The following TLK1 variants were observed in gnomAD, a reference collection of about 807,000 sequenced individuals.
The protein encoded by TLK1 is serine/threonine-protein kinase tousled-like 1.
TLK1 carries 24 observed loss-of-function variants against 105.3 expected under a neutral mutation model. The ratio of observed to expected loss-of-function variants is 0.23; its 90% confidence interval spans 0.17 to 0.32. The LOEUF (loss-of-function observed/expected upper bound fraction) is 0.32. Among genes scored for constraint, TLK1 ranks in the 10% least tolerant of loss-of-function variants. The pLI is 1.00. For missense variants in TLK1, 558 were observed against 910.5 expected (o/e 0.61, Z 4.98); for synonymous variants, 321 against 310.4 (o/e 1.03, Z -0.36).
intron 1 of TLK1, among the ~76,000 whole-genome samples, chr2:171,203,341 A>T (rs756441825): frequency 4.6e-5 from 7 of 152,192 alleles, no homozygotes; most frequent in Non-Finnish European, 1.0e-4. Context: ...ATTAAACAAC[A>T]GCTCTCCATA....
intron 1 of TLK1, among the ~76,000 whole-genome samples, chr2:171,151,923 G>A (rs1692056824): frequency 6.6e-6 from 1 of 152,058 alleles, no homozygotes; most frequent in Non-Finnish European, 1.5e-5. Flanking sequence ...TTTTTATGAG[G>A]CAAATATACA....
intron 1 of TLK1, among the ~76,000 whole-genome samples, chr2:171,131,110 T>C (rs980785135): frequency 6.7e-6 from 1 of 150,366 alleles, no homozygotes; most frequent in African/African-American, 2.5e-5. Context: ...TATATATCTA[T>C]ATATAGAGAG....
At position 170,993,768 on chromosome 2, in the gene TLK1, C is replaced by T; in HGVS notation, c.*12G>A. 1 of 1,537,196 alleles carries T rather than the reference C, an allele frequency of 6.5e-7. No individual in the cohort carries two copies. The highest frequency in any genetic ancestry group is 8.8e-7 in the Non-Finnish European group (1 of 1,138,862). On this transcript the variant is annotated 3_prime_UTR_variant, in exon 21 of 21. Transcript: ENST00000431350. ...GCAAATTCAAAGATATCATGCCAAT[C>T]TTGGAGGAAAGTCAGTAAGTAATTA...
intron 1 of TLK1, among the ~76,000 whole-genome samples, chr2:171,202,368 C>G (rs531571824): frequency 2.0e-4 from 30 of 152,108 alleles, no homozygotes; most frequent in African/African-American, 7.0e-4. Flanking sequence ...AGGAGAATTG[C>G]TTGAACCTGG....
At chr2:171,129,686 A>G (rs773630616) in intron 1 of TLK1, among the ~76,000 whole-genome samples, 1 of 152,088 alleles carries the variant, frequency 6.6e-6, no homozygotes, top group Non-Finnish European at 1.5e-5. Context: ...AAAAAAATTT[A>G]AAAAATTATC....
At chr2:171,149,256 AAAG>A (rs1346991376) in intron 1 of TLK1, among the ~76,000 whole-genome samples, 1 of 151,846 alleles carries the variant, frequency 6.6e-6, no homozygotes, top group African/African-American at 2.4e-5. Context: ...AAGAAGAAGA[AAAG>A]AAATTAAATA....
Position 171,103,281 on chromosome 2 carries a change from T to TATATATATATATATATATATAA in TLK1, c.258+14457_258+14458insTTATATATATATATATATATAT, listed in dbSNP as rs1018211660. 3.4e-4 allele frequency among the ~76,000 whole-genome samples: 51 copies of TATATATATATATATATATATAA among 150,136 alleles called. 1 individual carries two copies. Among genetic ancestry groups the TATATATATATATATATATATAA allele is most frequent in the African/African-American group, 1.2e-3 (49 of 40,124 alleles). ...TCTCAAATTTATATATATATATATA[T>TATATATATATATATATATATAA]AATTTTTTTTGAGACATAAGTCACA... On this transcript the variant is annotated intron_variant, in intron 2 of 20. Coordinates refer to ENST00000431350, the MANE Select transcript of TLK1 (RefSeq NM_012290.5).
chr2:171,083,162 TA>T (rs1688823431), intron 2 of TLK1, among the ~76,000 whole-genome samples: 1 of 152,152 alleles, frequency 6.6e-6, no homozygotes, highest in Non-Finnish European at 1.5e-5. Flanking sequence ...ACAAGATCCC[TA>T]AAATTATTAC....
Position 171,006,255 on chromosome 2 carries a change from G to A in TLK1, c.1796C>T (p.Ala599Val). 6.2e-7 allele frequency: 1 copy of A among 1,605,732 alleles called. No individual in the cohort carries two copies. Among genetic ancestry groups the A allele is most frequent in the South Asian group, 1.1e-5 (1 of 89,076 alleles). ...PGNILLVDGT[A>V]CGEIKITDFG... ...ATCAGTGATTTTGATTTCACCACAT[G>A]CTGTTCCATCTACCAGTAGGATGTT... The change falls in exon 18 of 21, where the codon GCA (alanine) becomes GTA (valine). Residue 599 changes from alanine to valine, a missense_variant. Coordinates refer to ENST00000431350, the MANE Select transcript of TLK1 (RefSeq NM_012290.5).
Position 171,049,833 on chromosome 2 carries a change from C to G in TLK1, c.961G>C (p.Ala321Pro). ...SFTEQWTDGFAFQNLVKQQEW... is the reference protein window; with the variant it reads ...SFTEQWTDGFPFQNLVKQQEW... ...ACTAACTTCACAAGATTCTGAAATG[C>G]AAAACCATCTGTCCATTGTTCAGTA... is the stretch of plus-strand genomic sequence containing the variant. Residue 321 changes from alanine (A) to proline (P), a missense_variant, in exon 10 of 21, where the codon GCA (alanine) becomes CCA (proline). Transcript: ENST00000431350. 1 of 1,613,734 alleles carries G rather than the reference C, an allele frequency of 6.2e-7. No homozygotes were observed.
intron 12 of TLK1, chr2:171,023,122 T>C (rs1403619960): frequency 2.1e-6 from 1 of 471,136 alleles, no homozygotes; most frequent in Non-Finnish European, 4.4e-6. Context: ...GTTGCTATAC[T>C]GTTATCTCTT....
At chr2:171,219,338 C>T (rs944630493) in intron 1 of TLK1, among the ~76,000 whole-genome samples, 2 of 152,206 alleles carry the variant, frequency 1.3e-5, no homozygotes, top group African/African-American at 4.8e-5. Flanking sequence ...TCTGTGGTCA[C>T]ATTGCCTTCT....
chr2:171,182,255 G>T (rs1692940716), intron 1 of TLK1, among the ~76,000 whole-genome samples: 1 of 152,216 alleles, frequency 6.6e-6, no homozygotes, highest in Non-Finnish European at 1.5e-5. Context: ...ATGAGGAAGA[G>T]AATTTTACAC....
Position 170,993,668 on chromosome 2 carries a change from T to TAAAAAAA in TLK1, c.*105_*111dup, listed in dbSNP as rs71008739. The TAAAAAAA allele has an allele frequency of 3.6e-4, 158 of 433,714 alleles. 1 individual carries two copies. The highest frequency in any genetic ancestry group is 2.0e-3 in the South Asian group (28 of 13,920). 26.9% of individuals were successfully genotyped at this position (433,714 alleles called of 1,614,324 possible). ...AAACAGTTCTTAACCACGTCTTGTG[T>TAAAAAAA]AAAAAAAAAAAAAAAAAAAAAAGAA... On this transcript the variant is annotated 3_prime_UTR_variant, in exon 21 of 21. Transcript: ENST00000431350.
At chr2:171,013,318 C>CTTTTTTTTTTTT (rs774923512) in intron 13 of TLK1, among the ~76,000 whole-genome samples, 4 of 74,138 alleles carry the variant, frequency 5.4e-5, no homozygotes, top group African/African-American at 2.2e-4. Context: ...TGGCCCCTCA[C>CTTTTTTTTTTTT]TTTTTTTTTT....
At chr2:171,188,705 C>CA (rs998138338) in intron 1 of TLK1, among the ~76,000 whole-genome samples, 2,473 of 44,464 alleles carry the variant, frequency 0.056, 81 homozygotes, top group African/African-American at 0.11. Context: ...GACTCTGTCT[C>CA]AAAAAAAAAA....
At chr2:171,040,883 A>G (rs1271931906) in intron 11 of TLK1, among the ~76,000 whole-genome samples, 1 of 152,060 alleles carries the variant, frequency 6.6e-6, no homozygotes, top group Admixed American at 6.6e-5. Context: ...AGCCTAAAAT[A>G]TATTCTTAAT....
chr2:171,103,148 A>AT (rs1410758919), intron 2 of TLK1, among the ~76,000 whole-genome samples: 4 of 151,948 alleles, frequency 2.6e-5, no homozygotes, highest in Admixed American at 2.0e-4. Context: ...AGGCCTCCTG[A>AT]TTTAGAGGAA....
intron 2 of TLK1, among the ~76,000 whole-genome samples, chr2:171,089,665 CTAACTTTCTCTTTATTTT>C (rs1317055254): frequency 1.3e-5 from 2 of 152,068 alleles, no homozygotes; most frequent in Non-Finnish European, 2.9e-5. Context: ...GACTTAATAA[CTAACTTTCTCTTTATTTT>C]TTAAGAGACC....
Sources: allele counts gnomAD v4.1 joint callset (sites outside exome capture counted in the v4.1 genomes callset), GRCh38; gene constraint gnomAD v4.1.1; transcripts MANE v1.5; gene names NCBI Gene and HGNC (gene_info 2026-07-23, HGNC 2026-07-21).